The following QTRT1 variants were observed in gnomAD, a reference collection of about 807,000 sequenced individuals.
QTRT1 encodes the protein TGT, 43-KD subunit.
A neutral mutation model predicts 44.0 loss-of-function variants in QTRT1; 41 were observed. The observed-to-expected ratio is 0.93, with a 90% CI of 0.73 to 1.21. The LOEUF is 1.21. QTRT1 is among the 50% of genes most tolerant of loss of function. QTRT1 has a pLI of 0.00. For missense variants in QTRT1, 542 were observed against 575.8 expected, an observed-to-expected ratio of 0.94 and a Z score of 0.60; for synonymous variants, 226 against 237.1, an observed-to-expected ratio of 0.95 and a Z score of 0.43.
rs779206294 is a variant in QTRT1, at chr19:10,702,221, C to A, written c.418C>A (p.Pro140Thr). The change falls in exon 3 of 10, where the codon CCG (proline) becomes ACG (threonine). Residue 140 changes from proline (P) to threonine (T), a missense_variant. By Grantham distance (38) the Pro-to-Thr change is conservative. Transcript: ENST00000250237. ...CGACGGCAATGAGACCCTGCTGAGC[C>A]CGGAGAAATCCGTGCAGATCCAGAA... ...PYDGNETLLSPEKSVQIQNAL... is the reference protein window; with the variant it reads ...PYDGNETLLSTEKSVQIQNAL... 6.2e-7 allele frequency: 1 copy of A among 1,614,122 alleles called. No individual in the cohort carries two copies. The highest frequency in any genetic ancestry group is 1.1e-5 in the South Asian group (1 of 91,084).
chr19:10,701,790 C>A, intron 1 of QTRT1, 87 bp downstream of exon 1: 1 of 1,565,534 alleles, frequency 6.4e-7, no homozygotes. Flanking sequence ...GACACTCCTC[C>A]CAAAGTCAAT....
intron 3 of QTRT1, 41 bp from the exon 4 acceptor site, chr19:10,707,261 T>C: frequency 1.9e-6 from 3 of 1,604,564 alleles, no homozygotes; most frequent in Non-Finnish European, 2.6e-6. Context: ...CCCCAAGCAT[T>C]GCGGGCTTTC....
rs1599396952 is a variant in QTRT1 at position 10,712,312 on chromosome 19, T to C, written c.785+13T>C. On this transcript the variant is annotated intron_variant, in intron 6 of 9. Coordinates refer to ENST00000250237, the MANE Select transcript of QTRT1 (RefSeq NM_031209.3). This position sits in a 1 kb window ranked among gnomAD's most constrained non-coding sequence, Gnocchi z 5.6. Reference sequence around the variant, plus strand: ...TGATGGGGGTTGGGTATGTTGTGGATAGGGAAGCCAGAGCCCTACCTGTGG... The same window carrying C: ...TGATGGGGGTTGGGTATGTTGTGGACAGGGAAGCCAGAGCCCTACCTGTGG... 4 of 1,600,906 alleles carry C rather than the reference T, an allele frequency of 2.5e-6. No homozygotes were observed. The East Asian group carries it at 8.9e-5, about 36-fold the overall frequency.
At chr19:10,709,530 G>C (rs773927342) in intron 5 of QTRT1, among the ~76,000 whole-genome samples, 1 of 152,138 alleles carries the variant, frequency 6.6e-6, no homozygotes, top group Non-Finnish European at 1.5e-5. Flanking sequence ...TGGCCAACAT[G>C]GTAAAACCCC....
chr19:10,712,919 T>C lies in QTRT1; in HGVS notation c.972-34T>C. Reference sequence around the variant, plus strand: ...GGCAGGGCATGGAGGGGACAGGGCCTGGCCGTGCTGAGCTGTCCCCTGCCG... The same window carrying C: ...GGCAGGGCATGGAGGGGACAGGGCCCGGCCGTGCTGAGCTGTCCCCTGCCG... On this transcript the variant is annotated intron_variant, in intron 8 of 9. Transcript: ENST00000250237. The surrounding 1 kb of genome is among the most constrained non-coding windows in gnomAD (Gnocchi z 5.6). 6.2e-7 allele frequency: 1 copy of C among 1,612,584 alleles called. No individual in the cohort carries two copies. Among genetic ancestry groups the C allele is most frequent in the Non-Finnish European group, 8.5e-7 (1 of 1,179,294 alleles).
In QTRT1 at chr19:10,702,231, C is replaced by A. The variant is rs758181742; in HGVS notation, c.428C>A (p.Ser143Tyr). Reference protein sequence around the residue: ...GNETLLSPEKSVQIQNALGSD... With the variant: ...GNETLLSPEKYVQIQNALGSD... ...GAGACCCTGCTGAGCCCGGAGAAAT[C>A]CGTGCAGATCCAGAATGCGCTGGGT... The change falls in exon 3 of 10, where the codon TCC (serine) becomes TAC (tyrosine). Residue 143 changes from serine to tyrosine, a missense_variant. Coordinates refer to ENST00000250237, the MANE Select transcript of QTRT1 (RefSeq NM_031209.3). 2 of 1,614,142 alleles carry A rather than the reference C, an allele frequency of 1.2e-6. No homozygotes were observed. Among genetic ancestry groups the A allele is most frequent in the Admixed American group, 1.7e-5 (1 of 60,004 alleles).
intron 3 of QTRT1, among the ~76,000 whole-genome samples, chr19:10,704,333 T>C (rs984553419): frequency 1.3e-4 from 20 of 151,972 alleles, no homozygotes; most frequent in Non-Finnish European, 5.9e-5. Context: ...TTGCTTAGTC[T>C]CCCAGGCTGG....
intron 5 of QTRT1, among the ~76,000 whole-genome samples, chr19:10,710,454 T>C (rs2068733513): frequency 6.6e-6 from 1 of 151,880 alleles, no homozygotes; most frequent in Non-Finnish European, 1.5e-5. Flanking sequence ...GTAGCTGGGA[T>C]TACAGGCACC....
In QTRT1 at chr19:10,702,185, C is replaced by T. The variant is rs761483374; in HGVS notation, c.382C>T (p.Arg128Cys). 2 of 1,614,106 alleles carry T rather than the reference C, an allele frequency of 1.2e-6. No homozygotes were observed. The highest frequency in any genetic ancestry group is 1.3e-5 in the African/African-American group (1 of 75,030). ...SEVTEEGVRF[R>C]SPYDGNETLL... ...GGTGACGGAGGAGGGCGTCCGCTTC[C>T]GCTCCCCCTACGACGGCAATGAGAC... Residue 128 changes from arginine (R) to cysteine (C), a missense_variant, in exon 3 of 10, where the codon CGC (arginine) becomes TGC (cysteine). Arg to Cys is a radical substitution (Grantham distance 180, BLOSUM62 -3). Coordinates refer to ENST00000250237, the MANE Select transcript of QTRT1 (RefSeq NM_031209.3).
In QTRT1 at chr19:10,712,124, C is replaced by T. The variant is rs776497897; in HGVS notation, c.647-37C>T. 5.6e-6 allele frequency: 9 copies of T among 1,610,094 alleles called. No individual in the cohort carries two copies. The highest frequency in any genetic ancestry group is 6.8e-6 in the Non-Finnish European group (8 of 1,179,968). ...CTGGGATTGAAGACCAGGCGCATTT[C>T]CTCTTCTGTGGCCCTCACCTTACCC... is the stretch of plus-strand genomic sequence containing the variant. On this transcript the variant is annotated intron_variant, in intron 5 of 9. Coordinates refer to ENST00000250237, the MANE Select transcript of QTRT1 (RefSeq NM_031209.3). This position sits in a 1 kb window ranked among gnomAD's most constrained non-coding sequence, Gnocchi z 5.6.
In QTRT1 at chr19:10,701,955, C is replaced by G. The variant is rs11542289; in HGVS notation, c.249C>G (p.Pro83=). 4.3e-6 allele frequency: 7 copies of G among 1,614,002 alleles called. No individual in the cohort carries two copies. Among genetic ancestry groups the G allele is most frequent in the Non-Finnish European group, 5.9e-6 (7 of 1,179,992 alleles). Reference sequence around the variant, plus strand: ...ACTTTCTTCCATCAACCCAGGGACCCGAGCTGATCCAGAAAGCCAACGGTC... The same window carrying G: ...ACTTTCTTCCATCAACCCAGGGACCGGAGCTGATCCAGAAAGCCAACGGTC... The part of the protein sequence containing the change: ...NTYHLGLRPG[P]ELIQKANGLH... The change falls in exon 2 of 10, where the codon CCC becomes CCG. Residue 83 remains proline (P), a synonymous_variant. Transcript: ENST00000250237.
rs2068748844 is a variant in QTRT1, at chr19:10,713,316, G to A, written c.*46G>A. On this transcript the variant is annotated 3_prime_UTR_variant, in exon 10 of 10. Coordinates refer to ENST00000250237, the MANE Select transcript of QTRT1 (RefSeq NM_031209.3). This position sits in a 1 kb window ranked among gnomAD's most constrained non-coding sequence, Gnocchi z 4.3. ...GGAGGAAGGAAGGGAGGGAGGGGCTGGAAGATACTGAAGGATTCCTTTTTG... is the reference window on the plus strand; with the variant it reads ...GGAGGAAGGAAGGGAGGGAGGGGCTAGAAGATACTGAAGGATTCCTTTTTG... 6 of 1,572,556 alleles carry A rather than the reference G, an allele frequency of 3.8e-6. No individual in the cohort carries two copies. Among genetic ancestry groups the A allele is most frequent in the Non-Finnish European group, 5.2e-6 (6 of 1,159,880 alleles).
In QTRT1 at chr19:10,712,517, G is replaced by T. The variant is rs749511134; in HGVS notation, c.786-36G>T. 1.3e-6 allele frequency: 2 copies of T among 1,593,898 alleles called. No individual in the cohort carries two copies. Among genetic ancestry groups the T allele is most frequent in the African/African-American group, 1.3e-5 (1 of 74,666 alleles). ...GGAGGGGCCCTGGGAAGCCCCTGAG[G>T]TTCTCTGCCCCCTCCCGTCATGGCT... On this transcript the variant is annotated intron_variant, in intron 6 of 9. Transcript: ENST00000250237. The surrounding 1 kb of genome is among the most constrained non-coding windows in gnomAD (Gnocchi z 5.6).
intron 3 of QTRT1, chr19:10,706,973 C>T (rs1049583916): frequency 5.7e-6 from 2 of 351,634 alleles, no homozygotes; most frequent in East Asian, 6.9e-5. Flanking sequence ...GTAGTCACTG[C>T]GCCCAGTCAG....
In QTRT1 at chr19:10,701,516, T is replaced by C. The variant is rs764933359; in HGVS notation, c.56T>C (p.Leu19Pro). 6.3e-7 allele frequency: 1 copy of C among 1,594,574 alleles called. No individual in the cohort carries two copies. The highest frequency in any genetic ancestry group is 1.7e-5 in the Admixed American group (1 of 58,638). ...SLESAPRIMRLVAECSRSRAR... is the reference protein window; with the variant it reads ...SLESAPRIMRPVAECSRSRAR... Reference sequence around the variant, plus strand: ...GAGTCGGCCCCACGGATCATGCGGCTGGTGGCCGAATGCAGCCGCTCCAGG... The same window carrying C: ...GAGTCGGCCCCACGGATCATGCGGCCGGTGGCCGAATGCAGCCGCTCCAGG... Residue 19 changes from leucine to proline, a missense_variant, in exon 1 of 10, where the codon CTG becomes CCG. Coordinates refer to ENST00000250237, the MANE Select transcript of QTRT1 (RefSeq NM_031209.3).
Position 10,701,712 on chromosome 19 carries a change from G to A in QTRT1, c.243+9G>A. The stretch of plus-strand genomic sequence containing the variant: ...ATCTGGGTCTAAGGCCGGTGGGTGG[G>A]CTCTGCCCGCGCGGGGAGGCGGCGA... On this transcript the variant is annotated intron_variant, in intron 1 of 9. Transcript: ENST00000250237. 1 of 1,568,944 alleles carries A rather than the reference G, an allele frequency of 6.4e-7. No homozygotes were observed. Among genetic ancestry groups the A allele is most frequent in the Non-Finnish European group, 8.6e-7 (1 of 1,157,488 alleles).
At chr19:10,707,043 G>A (rs2068717105) in intron 3 of QTRT1, among the ~76,000 whole-genome samples, 1 of 152,252 alleles carries the variant, frequency 6.6e-6, no homozygotes, top group Non-Finnish European at 1.5e-5. Flanking sequence ...CACATAGCAA[G>A]GGATCCCTTT....
At chr19:10,704,216 A>C (rs966088386) in intron 3 of QTRT1, among the ~76,000 whole-genome samples, 2 of 152,166 alleles carry the variant, frequency 1.3e-5, no homozygotes, top group Non-Finnish European at 2.9e-5. Context: ...GGCTACAAAC[A>C]GTCCTTTGCC....
rs2068718890 is a variant in QTRT1, at chr19:10,707,387, A to G, written c.530+7A>G. Reference sequence around the variant, plus strand: ...TGGAGGAGGCCATGTACAGGTGTGTATATGCTGTGTGCATGTGTGGGATAT... The same window carrying G: ...TGGAGGAGGCCATGTACAGGTGTGTGTATGCTGTGTGCATGTGTGGGATAT... On this transcript the variant is annotated splice_region_variant and intron_variant, in intron 4 of 9. Coordinates refer to ENST00000250237, the MANE Select transcript of QTRT1 (RefSeq NM_031209.3). The G allele has an allele frequency of 6.2e-7, 1 of 1,613,526 alleles. No homozygotes were observed. Among genetic ancestry groups the G allele is most frequent in the South Asian group, 1.1e-5 (1 of 91,062 alleles).
Sources: gnomAD v4.1 joint callset for allele counts (sites outside exome capture counted in the v4.1 genomes callset) on GRCh38, gnomAD v4.1.1 for gene constraint, Gnocchi (gnomAD v3.1) non-coding constraint, MANE v1.5 for transcripts, NCBI Gene and HGNC (gene_info 2026-07-23, HGNC 2026-07-21) for gene names.